MFSD12: variants seen among roughly 807,000 people sequenced by gnomAD.
The protein encoded by MFSD12 is major facilitator superfamily domain containing 12.
A neutral mutation model predicts 51.2 loss-of-function variants in MFSD12; 67 were observed. The ratio of observed to expected loss-of-function variants is 1.31; its 90% CI spans 1.08 to 1.60. The LOEUF (loss-of-function observed/expected upper bound fraction) is 1.60, where lower values mean the gene tolerates loss of function less well. Among genes scored for constraint, MFSD12 ranks in the 40% most tolerant of loss-of-function variants. The pLI, the probability that MFSD12 is intolerant of heterozygous loss-of-function variation, is 0.00. For missense variants in MFSD12, 921 were observed against 673.0 expected (o/e 1.37, Z -4.08); for synonymous variants, 441 against 316.7 (o/e 1.39, Z -4.17).
At chr19:3,547,193 G>A in intron 6 of MFSD12, 79 bp downstream of exon 6, 1 of 1,293,328 alleles carries the variant, frequency 7.7e-7, no homozygotes, top group Admixed American at 1.7e-5. Flanking sequence ...ATCCGAGGAT[G>A]GAACCCGGAG....
chr19:3,551,280 A>C lies in MFSD12; in HGVS notation c.299-86T>G. 1 of 1,101,932 alleles carries C rather than the reference A, an allele frequency of 9.1e-7. No individual in the cohort carries two copies. The highest frequency in any genetic ancestry group is 2.6e-5 in the Admixed American group (1 of 38,084). 68.3% of individuals were successfully genotyped at this position (1,101,932 alleles called of 1,614,324 possible). A position where few individuals can be genotyped will look rare whatever the true frequency, so the allele number is the denominator to read the frequency against. ...GAGGACATGGAGGGAGGAGAGAGGG[A>C]AACTGAGGCACAGATGGAGACGCCC... On this transcript the variant is annotated intron_variant, in intron 1 of 9. Coordinates refer to ENST00000355415, the MANE Select transcript of MFSD12 (RefSeq NM_174983.5). The surrounding 1 kb of genome is among the most constrained non-coding windows in gnomAD (Gnocchi z 4.6).
intron 2 of MFSD12, among the ~76,000 whole-genome samples, chr19:3,549,265 G>GAGGCCTGCCC (rs2031311679): frequency 6.6e-6 from 1 of 152,200 alleles, no homozygotes; most frequent in Non-Finnish European, 1.5e-5. Context: ...CAGCCCCAGA[G>GAGGCCTGCCC]AGGCCTGCCC....
intron 4 of MFSD12, 36 bp downstream of exon 4, chr19:3,547,812 A>AAGGCCCACGCC (rs2031196222): frequency 1.4e-6 from 2 of 1,461,382 alleles, no homozygotes; most frequent in East Asian, 2.5e-5. Context: ...GGTGGGAGAG[A>AAGGCCCACGCC]AGGCCCACGC....
chr19:3,542,309 C>T, downstream of MFSD12: 1 of 985,392 alleles, frequency 1.0e-6, no homozygotes, highest in Non-Finnish European at 1.2e-6. Context: ...AGGATTTAAG[C>T]AGAGTTCCTG....
downstream of MFSD12, chr19:3,543,117 AG>A: frequency 6.6e-7 from 1 of 1,522,892 alleles, no homozygotes; most frequent in Non-Finnish European, 8.8e-7. Context: ...GTGGCGAGGG[AG>A]GGAGACCCCA....
At position 3,557,309 on chromosome 19, in the gene MFSD12, T is replaced by C. The variant is rs368689749; in HGVS notation, c.95A>G (p.Asn32Ser). Reference protein sequence around the residue: ...RLSYAVGHFLNDLCASMWFTY... With the variant: ...RLSYAVGHFLSDLCASMWFTY... Reference sequence around the variant, plus strand: ...GAACCACATGGACGCGCACAGGTCGTTGAGGAAGTGGCCCACGGCGTAGCT... The same window carrying C: ...GAACCACATGGACGCGCACAGGTCGCTGAGGAAGTGGCCCACGGCGTAGCT... The change falls in exon 1 of 10, where the codon AAC (asparagine) becomes AGC (serine). Residue 32 changes from asparagine to serine, a missense_variant. Coordinates refer to ENST00000355415, the MANE Select transcript of MFSD12 (RefSeq NM_174983.5). 2.5e-6 allele frequency: 4 copies of C among 1,589,772 alleles called. No homozygotes were observed. Among genetic ancestry groups the C allele is most frequent in the African/African-American group, 2.8e-5 (2 of 72,474 alleles).
rs1010244416 is a variant in MFSD12, at chr19:3,544,828, CCACAGCAGGAGGCTACAGAGA to C, written c.1380_1400del (p.Cys460_Leu466del). On this transcript the variant is annotated inframe_deletion, in exon 9 of 10. Transcript: ENST00000355415. ...ACTCACAGCGTCGCAGGCGGGTCGGCCACAGCAGGAGGCTACAGAGACACAGGGCAGCGGCCACGCCCACGC... is the reference window on the plus strand; with the variant it reads ...ACTCACAGCGTCGCAGGCGGGTCGGCCACAGGGCAGCGGCCACGCCCACGC... The C allele has an allele frequency of 1.2e-6, 2 of 1,612,280 alleles. No homozygotes were observed. The highest frequency in any genetic ancestry group is 3.3e-5 in the Admixed American group (2 of 59,956).
chr19:3,546,288 C>T lies in MFSD12; in HGVS notation c.1161G>A (p.Leu387=), dbSNP rs746490603. The T allele has an allele frequency of 1.5e-5, 24 of 1,610,372 alleles. No homozygotes were observed. In the Admixed American group the frequency reaches 3.4e-4, roughly 23 times the overall value. ...AGCATILVTS[L]AMTADLIGPH... is the part of the protein sequence containing the mutation. Reference sequence around the variant, plus strand: ...GACCGATGAGGTCGGCCGTCATGGCCAGCGAGGTGACGAGGATGGTGGCAC... The same window carrying T: ...GACCGATGAGGTCGGCCGTCATGGCTAGCGAGGTGACGAGGATGGTGGCAC... Residue 387 remains leucine, a synonymous_variant, in exon 7 of 10, where the codon CTG becomes CTA. Transcript: ENST00000355415.
chr19:3,548,075 C>G (rs375668590), intron 3 of MFSD12, 45 bp from the exon 4 acceptor site: 4 of 1,601,298 alleles, frequency 2.5e-6, no homozygotes, highest in African/African-American at 2.7e-5. Flanking sequence ...GCCCAGCCCC[C>G]GCCCCTGGCT....
intron 1 of MFSD12, among the ~76,000 whole-genome samples, chr19:3,554,985 G>T (rs938691291): frequency 4.6e-5 from 7 of 152,314 alleles, no homozygotes; most frequent in Admixed American, 1.3e-4. Context: ...TGCCCTCCCC[G>T]AGGCGGGGAA....
intron 3 of MFSD12, 32 bp from the exon 4 acceptor site, chr19:3,548,062 C>T (rs766521612): frequency 1.8e-5 from 29 of 1,598,762 alleles, no homozygotes; most frequent in East Asian, 6.7e-5. Context: ...TCAGTGGTGG[C>T]GGGCCCAGCC....
chr19:3,543,348 G>C (rs1302785911), downstream of MFSD12: 14 of 1,549,372 alleles, frequency 9.0e-6, no homozygotes, highest in East Asian at 2.9e-4. Context: ...TGGTACACAG[G>C]CCTGACCAAC....
intron 6 of MFSD12, 27 bp downstream of exon 6, chr19:3,547,245 A>G (rs750251065): frequency 6.3e-7 from 1 of 1,598,046 alleles, no homozygotes; most frequent in South Asian, 1.1e-5. Context: ...CCTCCGCCCC[A>G]GCTGTCCCCG....
chr19:3,539,126 C>T, intron 4 of MFSD12: 2 of 1,298,330 alleles, frequency 1.5e-6, no homozygotes, highest in South Asian at 2.6e-5. Context: ...TTTATGCTGT[C>T]AACGGTGGCC....
At chr19:3,540,911 C>T (rs1026725806), downstream of MFSD12, among the ~76,000 whole-genome samples, 2 of 147,384 alleles carry the variant, frequency 1.4e-5, no homozygotes, top group African/African-American at 4.9e-5. Flanking sequence ...TGGCTCACGC[C>T]TGTAATCCCC....
intron 2 of MFSD12, among the ~76,000 whole-genome samples, chr19:3,550,542 C>T (rs1211717526): frequency 6.6e-6 from 1 of 152,106 alleles, no homozygotes; most frequent in Admixed American, 6.6e-5. Flanking sequence ...CAGGCGCCCA[C>T]CACCGCGCCC....
chr19:3,555,785 C>T (rs1018227989), intron 1 of MFSD12, among the ~76,000 whole-genome samples: 1 of 152,250 alleles, frequency 6.6e-6, no homozygotes, highest in Non-Finnish European at 1.5e-5. Flanking sequence ...GGATTCCTGG[C>T]CCTGCCTGCT....
intron 1 of MFSD12, among the ~76,000 whole-genome samples, chr19:3,554,451 A>G (rs941547532): frequency 3.9e-5 from 5 of 127,536 alleles, no homozygotes; most frequent in African/African-American, 1.4e-4. Context: ...ACAACAAAAC[A>G]AAAAAAAAAA....
downstream of MFSD12, chr19:3,539,649 GC>G (rs1440612798): frequency 9.5e-6 from 2 of 211,090 alleles, no homozygotes; most frequent in Non-Finnish European, 1.9e-5. Flanking sequence ...GCACTCCTTG[GC>G]CCCCGGTCTC....
Sources: allele counts gnomAD v4.1 joint callset (sites outside exome capture counted in the v4.1 genomes callset), GRCh38; gene constraint gnomAD v4.1.1; non-coding constraint Gnocchi (gnomAD v3.1); transcripts MANE v1.5; gene names NCBI Gene and HGNC (gene_info 2026-07-23, HGNC 2026-07-21).